The following MEIS1 variants were observed in gnomAD, a reference collection of about 807,000 sequenced individuals.
The protein encoded by MEIS1 is homeobox protein Meis1.
Under a neutral mutation model 50.8 loss-of-function variants are expected in MEIS1, and 5 were observed. The observed-to-expected ratio is 0.10, with a 90% confidence interval of 0.05 to 0.21. The LOEUF is 0.21. Among genes scored for constraint, MEIS1 ranks in the 10% least tolerant of loss-of-function variants. MEIS1 has a pLI of 1.00. For synonymous variants in MEIS1, 176 were observed against 179.3 expected, an observed-to-expected ratio of 0.98 and a Z score of 0.15; for missense variants, 318 against 517.3, an observed-to-expected ratio of 0.61 and a Z score of 3.74.
chr2:66,523,694 A>G (rs1369818320), intron 8 of MEIS1, among the ~76,000 whole-genome samples: 2 of 152,234 alleles, frequency 1.3e-5, no homozygotes, highest in East Asian at 3.8e-4. Context: ...TAGCATTCAA[A>G]TGTGGCATTA....
At chr2:66,540,751 C>T (rs1674631452) in intron 8 of MEIS1, among the ~76,000 whole-genome samples, 1 of 152,128 alleles carries the variant, frequency 6.6e-6, no homozygotes, top group East Asian at 1.9e-4. Flanking sequence ...TATAAGTAAT[C>T]ACTAATTTGG....
rs1350859096 is a variant in MEIS1, at chr2:66,464,162, C to G, written c.684C>G (p.Thr228=). The change falls in exon 7 of 13, where the codon ACC becomes ACG. Residue 228 remains threonine (T), a synonymous_variant. Coordinates refer to ENST00000272369, the MANE Select transcript of MEIS1 (RefSeq NM_002398.3). ...DDTASTRSGG[T]PGPSSGGHTS... is the part of the protein sequence containing the mutation. ...CGGCATCTACTCGTTCAGGAGGAAC[C>G]CCAGGCCCTTCCAGCGGTGGCCACA... The G allele has an allele frequency of 4.4e-6, 7 of 1,606,674 alleles. No individual in the cohort carries two copies. The Admixed American group carries it at 5.1e-5, about 12-fold the overall frequency.
intron 6 of MEIS1, among the ~76,000 whole-genome samples, chr2:66,452,594 A>G (rs1672300148): frequency 6.6e-6 from 1 of 151,970 alleles, no homozygotes; most frequent in East Asian, 1.9e-4. Context: ...ACAAAGAGAA[A>G]CAGGAATTTT....
At chr2:66,489,410 C>G (rs987812551) in intron 7 of MEIS1, among the ~76,000 whole-genome samples, 1 of 152,164 alleles carries the variant, frequency 6.6e-6, no homozygotes, top group Non-Finnish European at 1.5e-5. Flanking sequence ...AGATGAAGGA[C>G]AGTTTTTCAG....
At chr2:66,437,180 A>G (rs1425370408) in intron 1 of MEIS1, among the ~76,000 whole-genome samples, 2 of 152,200 alleles carry the variant, frequency 1.3e-5, no homozygotes, top group Non-Finnish European at 2.9e-5. Context: ...AAAGCAAAAG[A>G]AATGCAGTGT....
Position 66,572,376 on chromosome 2 carries a change from G to GTGTA in MEIS1, c.*1170_*1173dup. ...TTTCTGAGCAAAGCATCGGTCATGT[G>GTGTA]TGTATTTTTTCATAGTCCCACCTTG... On this transcript the variant is annotated 3_prime_UTR_variant, in exon 13 of 13. Transcript: ENST00000272369. The GTGTA allele has an allele frequency of 6.6e-6, 1 of 152,134 alleles. No homozygotes were observed. The highest frequency in any genetic ancestry group is 1.9e-4 in the East Asian group (1 of 5,192). The allele number at this position is 152,134 out of a possible 1,614,324, so 9.4% of individuals were successfully genotyped here. A position where few individuals can be genotyped will look rare whatever the true frequency, so the allele number is the denominator to read the frequency against.
chr2:66,439,224 G>A, intron 2 of MEIS1: 2 of 979,782 alleles, frequency 2.0e-6, no homozygotes, highest in Non-Finnish European at 2.4e-6. Context: ...GGGGGGCGGT[G>A]GGGGCTATCA....
Position 66,435,741 on chromosome 2 carries a change from T to C in MEIS1, c.-116T>C. ...GGAGACGTTAAGGGATTTTTCGTCG[T>C]GCTTTTTTTTTTTTTTTTTTTTTTT... On this transcript the variant is annotated 5_prime_UTR_variant, in exon 1 of 13. Transcript: ENST00000272369. The C allele has an allele frequency of 2.3e-6, 2 of 874,480 alleles. No homozygotes were observed. Among genetic ancestry groups the C allele is most frequent in the Non-Finnish European group, 3.3e-6 (2 of 600,338 alleles). The allele number at this position is 874,480 out of a possible 1,614,324, so 54.2% of individuals were successfully genotyped here. A position where few individuals can be genotyped will look rare whatever the true frequency, so the allele number is the denominator to read the frequency against.
At chr2:66,549,571 A>C (rs1228821753) in intron 9 of MEIS1, among the ~76,000 whole-genome samples, 1 of 152,120 alleles carries the variant, frequency 6.6e-6, no homozygotes, top group Non-Finnish European at 1.5e-5. Flanking sequence ...GGAGACCATC[A>C]ATTTTGCGTG....
chr2:66,435,962 T>C, intron 1 of MEIS1, 94 bp downstream of exon 1: 1 of 1,184,136 alleles, frequency 8.4e-7, no homozygotes, highest in Non-Finnish European at 1.2e-6. Context: ...TTTTTCTCTC[T>C]CTCTTTTAAA....
At chr2:66,447,300 T>C (rs935133707) in intron 6 of MEIS1, among the ~76,000 whole-genome samples, 1 of 152,240 alleles carries the variant, frequency 6.6e-6, no homozygotes, top group Admixed American at 6.5e-5. Flanking sequence ...ATTTAAATTA[T>C]AAATGCTTCG....
chr2:66,507,304 A>G (rs1266514711), intron 7 of MEIS1, among the ~76,000 whole-genome samples: 1 of 152,098 alleles, frequency 6.6e-6, no homozygotes, highest in Non-Finnish European at 1.5e-5. Flanking sequence ...AGAGGAGAAA[A>G]GTAAAGTTTA....
intron 7 of MEIS1, among the ~76,000 whole-genome samples, chr2:66,487,376 A>G (rs1179102783): frequency 6.6e-6 from 1 of 152,188 alleles, no homozygotes; most frequent in African/African-American, 2.4e-5. Flanking sequence ...ACACACACAT[A>G]TATGTATATA....
chr2:66,508,102 G>T (rs1306674218), intron 7 of MEIS1, among the ~76,000 whole-genome samples: 3 of 152,228 alleles, frequency 2.0e-5, no homozygotes, highest in Non-Finnish European at 4.4e-5. Context: ...GACATATAGT[G>T]CATGGTTTTG....
chr2:66,440,822 C>G, intron 4 of MEIS1: 1 of 569,198 alleles, frequency 1.8e-6, no homozygotes, highest in Non-Finnish European at 3.1e-6. Context: ...GGCGAGCCAG[C>G]GCGGGGAAAC....
intron 8 of MEIS1, among the ~76,000 whole-genome samples, chr2:66,518,349 T>C (rs528494685): frequency 8.5e-5 from 13 of 152,222 alleles, no homozygotes; most frequent in Admixed American, 5.9e-4. Flanking sequence ...GAGACTTTTG[T>C]AGAGTCTGGC....
chr2:66,472,677 G>T (rs1167689300), intron 7 of MEIS1, among the ~76,000 whole-genome samples: 1 of 152,202 alleles, frequency 6.6e-6, no homozygotes, highest in East Asian at 1.9e-4. Flanking sequence ...AGCGTGGTGG[G>T]TATTAGGTTC....
intron 7 of MEIS1, among the ~76,000 whole-genome samples, chr2:66,482,729 A>G (rs1201710374): frequency 1.3e-5 from 2 of 152,222 alleles, no homozygotes; most frequent in African/African-American, 4.8e-5. Flanking sequence ...TTGGTAGTCC[A>G]GTGTTTGTTT....
intron 7 of MEIS1, among the ~76,000 whole-genome samples, chr2:66,474,538 C>G (rs1181432181): frequency 6.6e-6 from 1 of 151,912 alleles, no homozygotes; most frequent in Non-Finnish European, 1.5e-5. Context: ...AAAACTAACC[C>G]AAACAGTAAA....
Sources: allele counts gnomAD v4.1 joint callset (sites outside exome capture counted in the v4.1 genomes callset), GRCh38; gene constraint gnomAD v4.1.1; transcripts MANE v1.5; gene names NCBI Gene and HGNC (gene_info 2026-07-23, HGNC 2026-07-21).